DNMT1: variants seen among roughly 807,000 people sequenced by gnomAD.
The protein encoded by DNMT1 is DNA (cytosine-5)-methyltransferase 1.
In DNMT1, 24 loss-of-function variants were observed where a neutral mutation model predicts 205.3. The observed-to-expected ratio is 0.12, with a 90% CI of 0.08 to 0.16. DNMT1 has a LOEUF of 0.16. Ranked by LOEUF, DNMT1 falls within the 10% of genes least tolerant of loss-of-function variation. The pLI is 1.00. For synonymous variants in DNMT1, 817 were observed against 839.8 expected (o/e 0.97, Z 0.47); for missense variants, 1,293 against 2,177.7 (o/e 0.59, Z 8.09).
At chr19:10,187,104 G>A (rs1473486782) in intron 1 of DNMT1, among the ~76,000 whole-genome samples, 4 of 151,844 alleles carry the variant, frequency 2.6e-5, no homozygotes, top group African/African-American at 4.8e-5. Context: ...GGGGACAGTC[G>A]GAGGGAGGGC....
intron 9 of DNMT1, among the ~76,000 whole-genome samples, chr19:10,171,152 G>A (rs2038807814): frequency 6.6e-6 from 1 of 152,002 alleles, no homozygotes; most frequent in African/African-American, 2.4e-5. Flanking sequence ...AAAAAAAACA[G>A]GACCCAGCAT....
chr19:10,175,528 C>G lies in DNMT1; in HGVS notation c.648+12G>C. On this transcript the variant is annotated intron_variant, in intron 7 of 40. Transcript: ENST00000359526. ...TTAAGGTAGAGTCAGGAAATGAAAG[C>G]ACTGGCCCTACCTGGTCTTTGTCTT... is the stretch of plus-strand genomic sequence containing the variant. 1.9e-6 allele frequency: 3 copies of G among 1,613,956 alleles called. No homozygotes were observed. The highest frequency in any genetic ancestry group is 2.5e-6 in the Non-Finnish European group (3 of 1,179,902).
Position 10,136,304 on chromosome 19 carries a change from T to C in DNMT1, c.4490-17A>G. ...CTTTGCCGGCTGGAAGACAGGACAG[T>C]GATGAGGCTGCAGTTGTGGGATGGG... On this transcript the variant is annotated splice_polypyrimidine_tract_variant and intron_variant, in intron 37 of 40. Coordinates refer to ENST00000359526, the MANE Select transcript of DNMT1 (RefSeq NM_001130823.3). 9.9e-6 allele frequency: 16 copies of C among 1,613,178 alleles called. No individual in the cohort carries two copies. The highest frequency in any genetic ancestry group is 1.2e-5 in the Non-Finnish European group (14 of 1,179,956).
chr19:10,152,868 G>A (rs994341589), intron 22 of DNMT1, among the ~76,000 whole-genome samples: 1 of 147,812 alleles, frequency 6.8e-6, no homozygotes, highest in Non-Finnish European at 1.5e-5. Flanking sequence ...GGGAGGCCAA[G>A]ACAGGAGGAC....
chr19:10,181,311 A>G (rs528207741), intron 2 of DNMT1, among the ~76,000 whole-genome samples: 6 of 152,054 alleles, frequency 3.9e-5, no homozygotes, highest in Non-Finnish European at 7.4e-5. Context: ...TTAGCTGGGC[A>G]TGGTGGCTTG....
chr19:10,156,062 T>C lies in DNMT1; in HGVS notation c.1400-117A>G. 1.9e-6 allele frequency: 2 copies of C among 1,043,246 alleles called. No individual in the cohort carries two copies. The highest frequency in any genetic ancestry group is 2.6e-5 in the East Asian group (1 of 38,526). 64.6% of individuals were successfully genotyped at this position (1,043,246 alleles called of 1,614,324 possible). ...AGCCAGGTCGGGTGCTCCTCAGTCA[T>C]CACAATGACTTGGCCTACAGCTGCT... On this transcript the variant is annotated intron_variant, in intron 18 of 40. Coordinates refer to ENST00000359526, the MANE Select transcript of DNMT1 (RefSeq NM_001130823.3). The surrounding 1 kb of genome is among the most constrained non-coding windows in gnomAD (Gnocchi z 4.2).
chr19:10,193,057 A>G lies in DNMT1; in HGVS notation c.80+1763T>C, dbSNP rs530304873. On this transcript the variant is annotated intron_variant, in intron 1 of 40. Coordinates refer to ENST00000359526, the MANE Select transcript of DNMT1 (RefSeq NM_001130823.3). ...ATGAGACTCCATCTCAAACAAACAAACAAAAAAAAGTAGTAGTTAAGGCAT... is the reference window on the plus strand; with the variant it reads ...ATGAGACTCCATCTCAAACAAACAAGCAAAAAAAAGTAGTAGTTAAGGCAT... Among the ~76,000 whole-genome samples, 125 of 152,250 alleles carry G rather than the reference A, an allele frequency of 8.2e-4. 2 individuals carry two copies. In the Middle Eastern group the frequency reaches 0.01, roughly 12 times the overall value.
intron 2 of DNMT1, 97 bp from the exon 3 acceptor site, chr19:10,180,982 T>C (rs997649077): frequency 2.1e-6 from 2 of 953,262 alleles, no homozygotes; most frequent in South Asian, 2.7e-5. Flanking sequence ...CACATCACAA[T>C]GAGTGAATGG....
At position 10,146,945 on chromosome 19, in the gene DNMT1, G is replaced by A. The variant is rs556805873; in HGVS notation, c.2721-421C>T. Among the ~76,000 whole-genome samples, 1 of 152,290 alleles carries A rather than the reference G, an allele frequency of 6.6e-6. No homozygotes were observed. The highest frequency in any genetic ancestry group is 2.1e-4 in the South Asian group (1 of 4,828). ...TCTTGACTAGTAAGCCCTTAAAGGA[G>A]ACTTGAAGATGGCCTTAAAAATAGA... On this transcript the variant is annotated intron_variant, in intron 27 of 40. Coordinates refer to ENST00000359526, the MANE Select transcript of DNMT1 (RefSeq NM_001130823.3). The surrounding 1 kb of genome is among the most constrained non-coding windows in gnomAD (Gnocchi z 4.4).
Position 10,137,186 on chromosome 19 carries a change from G to A in DNMT1, c.4388C>T (p.Ser1463Leu), listed in dbSNP as rs1387794444. ...CAGCTTCCTGGCCATGGTGCCGTCT[G>A]AGAGCCGCACCTCGATGTTGGGCAG... ...RDLPNIEVRL[S>L]DGTMARKLRY... The change falls in exon 37 of 41, where the codon TCA becomes TTA. Residue 1463 changes from serine to leucine, a missense_variant. By Grantham distance (145) the Ser-to-Leu change is moderately radical. This residue lies in a region of DNMT1 where 148 missense variants were observed against 256.1 expected (regional missense o/e 0.58). Transcript: ENST00000359526. The surrounding 1 kb of genome is among the most constrained non-coding windows in gnomAD (Gnocchi z 6.4). The A allele has an allele frequency of 1.2e-6, 2 of 1,610,580 alleles. No individual in the cohort carries two copies. The highest frequency in any genetic ancestry group is 2.2e-5 in the South Asian group (2 of 90,360).
Position 10,180,799 on chromosome 19 carries a change from T to C in DNMT1, c.204A>G (p.Leu68=), listed in dbSNP as rs1477285670. Residue 68 remains leucine, a synonymous_variant, in exon 3 of 41, where the codon TTA becomes TTG. Coordinates refer to ENST00000359526, the MANE Select transcript of DNMT1 (RefSeq NM_001130823.3). ...TTACCTCGGATAATTCTTCTTTACG[T>C]AATTTGGTTTCCAAGTCACATAACT... ...KNQLCDLETK[L]RKEELSEEGY... 8 of 1,614,004 alleles carry C rather than the reference T, an allele frequency of 5.0e-6. No individual in the cohort carries two copies. Among genetic ancestry groups the C allele is most frequent in the African/African-American group, 1.3e-5 (1 of 74,918 alleles).
chr19:10,149,754 T>C, intron 25 of DNMT1, 97 bp from the exon 26 acceptor site: 1 of 1,607,214 alleles, frequency 6.2e-7, no homozygotes, highest in Non-Finnish European at 8.5e-7. Flanking sequence ...TCAGTTTTCA[T>C]CTAGGGCAAA....
Position 10,144,571 on chromosome 19 carries a change from G to A in DNMT1, c.2895-584C>T, listed in dbSNP as rs143642346. 323 of 173,662 alleles carry A rather than the reference G, an allele frequency of 1.9e-3. 1 individual carries two copies. The highest frequency in any genetic ancestry group is 3.4e-3 in the Non-Finnish European group (272 of 80,290). The allele number at this position is 173,662 out of a possible 1,614,324, so 10.8% of individuals were successfully genotyped here. A position where few individuals can be genotyped will look rare whatever the true frequency, so the allele number is the denominator to read the frequency against. On this transcript the variant is annotated intron_variant, in intron 28 of 40. Transcript: ENST00000359526. ...CATCTTGTGTTTCCTGGCATGTGAC[G>A]TGGGCAGAAGTGACCAAAGAGGATG...
At position 10,154,305 on chromosome 19, in the gene DNMT1, A is replaced by G; in HGVS notation, c.2007T>C (p.Cys669=). Residue 669 remains cysteine (C), a synonymous_variant, in exon 22 of 41, where the codon TGT becomes TGC. Coordinates refer to ENST00000359526, the MANE Select transcript of DNMT1 (RefSeq NM_001130823.3). The surrounding 1 kb of genome is among the most constrained non-coding windows in gnomAD (Gnocchi z 6.3). Reference sequence around the variant, plus strand: ...CAGGTGAGGTTACCTCACAGACGCCACATCGCCGGCGCTTAAAGGCGTTCT... The same window carrying G: ...CAGGTGAGGTTACCTCACAGACGCCGCATCGCCGGCGCTTAAAGGCGTTCT... The part of the protein sequence containing the change: ...DKENAFKRRR[C]GVCEVCQQPE... 1 of 1,614,100 alleles carries G rather than the reference A, an allele frequency of 6.2e-7. No individual in the cohort carries two copies. Among genetic ancestry groups the G allele is most frequent in the Non-Finnish European group, 8.5e-7 (1 of 1,179,962 alleles).
intron 27 of DNMT1, among the ~76,000 whole-genome samples, chr19:10,148,113 T>C (rs1338834940): frequency 1.8e-5 from 1 of 54,800 alleles, no homozygotes; most frequent in African/African-American, 9.6e-5. Context: ...CGAAACTCTG[T>C]CTCAAAAAAA....
rs1041774652 is a variant in DNMT1 at position 10,140,514 on chromosome 19, C to A, written c.3524-186G>T. On this transcript the variant is annotated intron_variant, in intron 32 of 40. Coordinates refer to ENST00000359526, the MANE Select transcript of DNMT1 (RefSeq NM_001130823.3). This position sits in a 1 kb window ranked among gnomAD's most constrained non-coding sequence, Gnocchi z 8.4. ...CCTCCTGAGTAGCTGGGACTACAGG[C>A]ACACACCACCACGCCCAGCTAATTT... The A allele has an allele frequency of 5.4e-6, 5 of 919,384 alleles. No homozygotes were observed. Among genetic ancestry groups the A allele is most frequent in the Non-Finnish European group, 8.2e-6 (5 of 609,216 alleles). 57.0% of individuals were successfully genotyped at this position (919,384 alleles called of 1,614,324 possible).
At chr19:10,139,445 C>T (rs2089557921) in intron 34 of DNMT1, among the ~76,000 whole-genome samples, 1 of 152,240 alleles carries the variant, frequency 6.6e-6, no homozygotes, top group Admixed American at 6.5e-5. Flanking sequence ...GCCAGCCCTC[C>T]CAGGCATGTT....
rs779173411 is a variant in DNMT1, at chr19:10,148,858, ACC to A, written c.2720+24_2720+25del. 3 of 1,613,944 alleles carry A rather than the reference ACC, an allele frequency of 1.9e-6. No homozygotes were observed. The South Asian group carries it at 3.3e-5, about 18-fold the overall frequency. ...TGATGTGGGCTGAAAGTGCCTGCTG[ACC>A]CCGAGTCCAGCCCCAGTGCTCACTT... On this transcript the variant is annotated intron_variant, in intron 27 of 40. Coordinates refer to ENST00000359526, the MANE Select transcript of DNMT1 (RefSeq NM_001130823.3).
intron 1 of DNMT1, among the ~76,000 whole-genome samples, chr19:10,184,039 G>A (rs1044002798): frequency 2.0e-5 from 3 of 152,188 alleles, no homozygotes; most frequent in African/African-American, 7.2e-5. Flanking sequence ...AGGAGACAGA[G>A]TGAGACCCTG....
Sources: allele counts gnomAD v4.1 joint callset (sites outside exome capture counted in the v4.1 genomes callset), GRCh38; gene constraint gnomAD v4.1.1; regional missense constraint gnomAD v4.1.1; non-coding constraint Gnocchi (gnomAD v3.1); transcripts MANE v1.5; gene names NCBI Gene and HGNC (gene_info 2026-07-23, HGNC 2026-07-21).